The following TMOD3 variants were observed in gnomAD, a reference collection of about 807,000 sequenced individuals.
TMOD3 encodes the protein tropomodulin 3, also known as tropomodulin-3.
TMOD3 carries 20 observed loss-of-function variants against 39.2 expected under a neutral mutation model. The observed-to-expected ratio is 0.51, with a 90% confidence interval of 0.36 to 0.74. The LOEUF (loss-of-function observed/expected upper bound fraction) is 0.74, where lower values mean the gene tolerates loss of function less well. Among genes scored for constraint, TMOD3 ranks in the 30% least tolerant of loss-of-function variants. TMOD3 has a pLI of 0.00. For missense variants in TMOD3, 381 were observed against 412.8 expected (o/e 0.92, Z 0.67); for synonymous variants, 143 against 145.8 (o/e 0.98, Z 0.14).
intron 7 of TMOD3, 65 bp from the exon 8 acceptor site, chr15:51,900,090 C>T: frequency 1.1e-5 from 16 of 1,451,316 alleles, no homozygotes; most frequent in Non-Finnish European, 1.4e-5. Flanking sequence ...TTATTTATGG[C>T]ATGTACAATA....
At chr15:51,846,050 T>C (rs2056333915) in intron 1 of TMOD3, among the ~76,000 whole-genome samples, 1 of 151,582 alleles carries the variant, frequency 6.6e-6, no homozygotes, top group African/African-American at 2.4e-5. Context: ...GCGCAGTGGC[T>C]CACACCTGTT....
chr15:51,899,522 C>A (rs1340321025), intron 7 of TMOD3, among the ~76,000 whole-genome samples: 1 of 151,608 alleles, frequency 6.6e-6, no homozygotes, highest in Non-Finnish European at 1.5e-5. Context: ...AAAAATTAGC[C>A]GGGCATGGTG....
rs1220282512 is a variant in TMOD3, at chr15:51,909,299, C to T, written c.*489C>T. The T allele has an allele frequency of 6.5e-6, 1 of 153,106 alleles. No individual in the cohort carries two copies. The highest frequency in any genetic ancestry group is 2.4e-5 in the African/African-American group (1 of 41,394). The allele number at this position is 153,106 out of a possible 1,614,324, so 9.5% of individuals were successfully genotyped here. On this transcript the variant is annotated 3_prime_UTR_variant, in exon 10 of 10. Transcript: ENST00000308580. ...TTTTCTTTATCAAGAGAACAAAATG[C>T]CAGAATGTTAAAACAGTTAACTCAA...
In TMOD3 at chr15:51,912,965, G is replaced by A. The variant is rs2056718674; in HGVS notation, c.*4155G>A. On this transcript the variant is annotated 3_prime_UTR_variant, in exon 10 of 10. Coordinates refer to ENST00000308580, the MANE Select transcript of TMOD3 (RefSeq NM_014547.5). ...TTTTAAATTGAGAAAATAGTATTCA[G>A]AGGCAAAGATTTTTATATTCTTTTT... is the stretch of plus-strand genomic sequence containing the variant. The A allele has an allele frequency of 6.6e-6, 1 of 152,066 alleles. No individual in the cohort carries two copies. 9.4% of individuals were successfully genotyped at this position (152,066 alleles called of 1,614,324 possible). A position where few individuals can be genotyped will look rare whatever the true frequency, so the allele number is the denominator to read the frequency against.
At chr15:51,865,113 T>C (rs1271729872) in intron 2 of TMOD3, among the ~76,000 whole-genome samples, 1 of 152,084 alleles carries the variant, frequency 6.6e-6, no homozygotes, top group Non-Finnish European at 1.5e-5. Context: ...CAGCCTCCTA[T>C]GTAGCTAGGA....
rs1414583764 is a variant in TMOD3, at chr15:51,911,490, T to G, written c.*2680T>G. ...TCAATCTTTAAAAATCTGGCACCTCTTAGTAACTTTCAGTATTTCTAAATT... is the reference window on the plus strand; with the variant it reads ...TCAATCTTTAAAAATCTGGCACCTCGTAGTAACTTTCAGTATTTCTAAATT... On this transcript the variant is annotated 3_prime_UTR_variant, in exon 10 of 10. Transcript: ENST00000308580. 1 of 152,210 alleles carries G rather than the reference T, an allele frequency of 6.6e-6. No homozygotes were observed. The highest frequency in any genetic ancestry group is 1.5e-5 in the Non-Finnish European group (1 of 68,032). The allele number at this position is 152,210 out of a possible 1,614,324, so 9.4% of individuals were successfully genotyped here. A position where few individuals can be genotyped will look rare whatever the true frequency, so the allele number is the denominator to read the frequency against.
In TMOD3 at chr15:51,902,043, C is replaced by G; in HGVS notation, c.1024+7C>G. 1 of 1,612,734 alleles carries G rather than the reference C, an allele frequency of 6.2e-7. No individual in the cohort carries two copies. The highest frequency in any genetic ancestry group is 8.5e-7 in the Non-Finnish European group (1 of 1,179,720). On this transcript the variant is annotated splice_region_variant and intron_variant, in intron 9 of 9. Coordinates refer to ENST00000308580, the MANE Select transcript of TMOD3 (RefSeq NM_014547.5). ...ACAAAAAACAATGACTTAGGTAAGA[C>G]ATAGTATCGATCAAGTTTCTGAGTT... is the stretch of plus-strand genomic sequence containing the variant.
rs201527836 is a variant in TMOD3 at position 51,857,663 on chromosome 15, A to G, written c.-74-5148A>G. ...AAAATAATTAAACTTATATCTATGT[A>G]TATTTTAAAATATTCATTGAGAAAA... On this transcript the variant is annotated intron_variant, in intron 1 of 9. Transcript: ENST00000308580. Among the ~76,000 whole-genome samples the G allele has an allele frequency of 8.5e-5, 13 of 152,292 alleles. No individual in the cohort carries two copies. The East Asian group carries it at 2.5e-3, about 29-fold the overall frequency.
chr15:51,832,014 C>T (rs150630145), intron 1 of TMOD3, among the ~76,000 whole-genome samples: 1 of 151,596 alleles, frequency 6.6e-6, no homozygotes, highest in African/African-American at 2.4e-5. Flanking sequence ...AAGACCCTGT[C>T]TCTACAAAAT....
chr15:51,897,258 G>C (rs1268432004), intron 7 of TMOD3, among the ~76,000 whole-genome samples: 1 of 151,762 alleles, frequency 6.6e-6, no homozygotes, highest in African/African-American at 2.4e-5. Context: ...TCATATACTT[G>C]CTGATGACTC....
chr15:51,832,623 A>G (rs1209291783), intron 1 of TMOD3, among the ~76,000 whole-genome samples: 1 of 151,832 alleles, frequency 6.6e-6, no homozygotes, highest in East Asian at 1.9e-4. Context: ...CTTGAGCCCA[A>G]AAGTTCCAGG....
intron 1 of TMOD3, among the ~76,000 whole-genome samples, chr15:51,851,807 T>G (rs1290635001): frequency 2.6e-5 from 4 of 152,170 alleles, no homozygotes; most frequent in African/African-American, 4.8e-5. Context: ...CATATCACGT[T>G]TATCTACTTC....
At chr15:51,870,842 C>CA (rs928090069) in intron 3 of TMOD3, among the ~76,000 whole-genome samples, 3 of 152,074 alleles carry the variant, frequency 2.0e-5, no homozygotes, top group African/African-American at 7.2e-5. Flanking sequence ...TTTTTAAATT[C>CA]AAAATCTAGC....
intron 3 of TMOD3, among the ~76,000 whole-genome samples, chr15:51,877,972 C>T (rs1445886718): frequency 6.6e-6 from 1 of 152,150 alleles, no homozygotes; most frequent in Non-Finnish European, 1.5e-5. Flanking sequence ...CAGTGTGACC[C>T]TCTGCACAAC....
chr15:51,878,402 G>GTT (rs1321794391), intron 3 of TMOD3, among the ~76,000 whole-genome samples: 1 of 151,910 alleles, frequency 6.6e-6, no homozygotes, highest in Non-Finnish European at 1.5e-5. Flanking sequence ...GTGTGTGTGT[G>GTT]TGTGTAAAAC....
intron 6 of TMOD3, among the ~76,000 whole-genome samples, chr15:51,895,773 T>C (rs747779947): frequency 6.6e-6 from 1 of 152,192 alleles, no homozygotes; most frequent in Non-Finnish European, 1.5e-5. Context: ...CCTTCATTTC[T>C]TTCCTTGTAG....
intron 3 of TMOD3, among the ~76,000 whole-genome samples, chr15:51,881,012 G>A (rs2056530529): frequency 6.6e-6 from 1 of 152,200 alleles, no homozygotes; most frequent in Non-Finnish European, 1.5e-5. Flanking sequence ...CTTAGTGGGT[G>A]TGAAGTAATA....
intron 1 of TMOD3, chr15:51,859,885 C>G: frequency 3.7e-6 from 2 of 535,722 alleles, no homozygotes; most frequent in South Asian, 1.4e-5. Context: ...CTGGCAGAAG[C>G]TTGAGTTCAT....
In TMOD3 at chr15:51,908,863, G is replaced by A; in HGVS notation, c.*53G>A. The stretch of plus-strand genomic sequence containing the variant: ...CTTCAGAAGATCACCAAGGGCTCAT[G>A]TTGGTGACATCATGTAAAATTTTCC... On this transcript the variant is annotated 3_prime_UTR_variant, in exon 10 of 10. Transcript: ENST00000308580. 6.8e-7 allele frequency: 1 copy of A among 1,474,414 alleles called. No homozygotes were observed. The highest frequency in any genetic ancestry group is 9.2e-7 in the Non-Finnish European group (1 of 1,090,322). 91.3% of individuals were successfully genotyped at this position (1,474,414 alleles called of 1,614,324 possible).
Sources: gnomAD v4.1 joint callset for allele counts (sites outside exome capture counted in the v4.1 genomes callset) on GRCh38, gnomAD v4.1.1 for gene constraint, MANE v1.5 for transcripts, NCBI Gene and HGNC (gene_info 2026-07-23, HGNC 2026-07-21) for gene names.